The following LIMS2 variants were observed in gnomAD, a reference collection of about 807,000 sequenced individuals.
LIMS2 encodes LIM zinc finger domain containing 2, also known as LIM and senescent cell antigen-like-containing domain protein 2.
Under a neutral mutation model 45.3 loss-of-function variants are expected in LIMS2, and 30 were observed. That is an observed-to-expected ratio of 0.66 (90% CI 0.50 to 0.90). The LOEUF (loss-of-function observed/expected upper bound fraction) is 0.90, where lower values mean the gene tolerates loss of function less well. LIMS2 is among the 40% of genes least tolerant of loss of function. LIMS2 has a pLI of 0.00. For synonymous variants in LIMS2, 173 were observed against 188.0 expected (o/e 0.92, Z 0.65); for missense variants, 485 against 468.7 (o/e 1.03, Z -0.32).
At position 127,671,614 on chromosome 2, in the gene LIMS2, T is replaced by A. The variant is rs1461863520; in HGVS notation, c.11+3400A>T. Among the ~76,000 whole-genome samples the A allele has an allele frequency of 6.6e-6, 1 of 152,218 alleles. No individual in the cohort carries two copies. Reference sequence around the variant, plus strand: ...AATTCCGTAAAGCGTTAATGCCATGTTGGTGGCTTGAAATGAGCCCAGGTG... The same window carrying A: ...AATTCCGTAAAGCGTTAATGCCATGATGGTGGCTTGAAATGAGCCCAGGTG... On this transcript the variant is annotated intron_variant, in intron 1 of 9. Coordinates refer to ENST00000355119, the MANE Select transcript of LIMS2 (RefSeq NM_001161403.3). The surrounding 1 kb of genome is among the most constrained non-coding windows in gnomAD (Gnocchi z 4.1).
At chr2:127,678,593 T>A (rs936247909), upstream of LIMS2, among the ~76,000 whole-genome samples, 1 of 152,158 alleles carries the variant, frequency 6.6e-6, no homozygotes, top group Non-Finnish European at 1.5e-5. This position sits in a 1 kb window ranked among gnomAD's most constrained non-coding sequence, Gnocchi z 5.3. Context: ...AGGATCTATT[T>A]TGCAACCAAC....
At chr2:127,658,400 TA>T (rs1416991724) in intron 1 of LIMS2, among the ~76,000 whole-genome samples, 5 of 151,972 alleles carry the variant, frequency 3.3e-5, no homozygotes, top group Admixed American at 2.6e-4. Context: ...AAAAAATAAA[TA>T]AAAAAGACAA....
At chr2:127,656,887 T>G (rs1684294728) in intron 2 of LIMS2, among the ~76,000 whole-genome samples, 1 of 152,166 alleles carries the variant, frequency 6.6e-6, no homozygotes, top group Non-Finnish European at 1.5e-5. Flanking sequence ...GCCCTCGGCT[T>G]CCATCACACC....
In LIMS2 at chr2:127,639,296, G is replaced by A. The variant is rs1234655826; in HGVS notation, c.1011C>T (p.Asp337=). ...AAGAGGGCCTTCAGGCAGAGTTGAG[G>A]TCTGTGGCCTTGGGCTGGGCCTTGC... ...TSRKAQPKAT[D]LNSA is the part of the protein sequence containing the mutation. The change falls in exon 10 of 10, where the codon GAC becomes GAT. Residue 337 remains aspartate (D), a synonymous_variant. Transcript: ENST00000355119. The A allele has an allele frequency of 1.2e-6, 2 of 1,613,756 alleles. No individual in the cohort carries two copies. The highest frequency in any genetic ancestry group is 1.7e-6 in the Non-Finnish European group (2 of 1,179,844).
intron 1 of LIMS2, among the ~76,000 whole-genome samples, chr2:127,668,872 G>A (rs1685158128): frequency 6.6e-6 from 1 of 151,886 alleles, no homozygotes; most frequent in African/African-American, 2.4e-5. Context: ...GGCTGAGGCA[G>A]GCAGAGCCCA....
chr2:127,673,047 G>T (rs1387907926), intron 1 of LIMS2, among the ~76,000 whole-genome samples: 3 of 152,204 alleles, frequency 2.0e-5, no homozygotes, highest in Non-Finnish European at 4.4e-5. Context: ...CACTCCGAAG[G>T]CCGGGTTGGA....
chr2:127,659,951 C>T (rs1684506030), intron 1 of LIMS2, among the ~76,000 whole-genome samples: 1 of 152,206 alleles, frequency 6.6e-6, no homozygotes, highest in South Asian at 2.1e-4. Context: ...GTTATGGGCA[C>T]TCCTGCCCTG....
chr2:127,640,069 C>T lies in LIMS2; in HGVS notation c.878+1G>A, dbSNP rs1278310206. On this transcript the variant is annotated splice_donor_variant, in intron 9 of 9. Coordinates refer to ENST00000355119, the MANE Select transcript of LIMS2 (RefSeq NM_001161403.3). LOFTEE classifies it high-confidence loss of function. Reference sequence around the variant, plus strand: ...CCCATCCCACGATCACAGGGACTCACTTCAGGGTGAGCTTGCTGTTGCAGG... The same window carrying T: ...CCCATCCCACGATCACAGGGACTCATTTCAGGGTGAGCTTGCTGTTGCAGG... The T allele has an allele frequency of 6.2e-7, 1 of 1,613,336 alleles. No individual in the cohort carries two copies. The highest frequency in any genetic ancestry group is 8.5e-7 in the Non-Finnish European group (1 of 1,179,998).
At chr2:127,668,668 C>CA (rs70985469) in intron 1 of LIMS2, among the ~76,000 whole-genome samples, 177 of 17,264 alleles carry the variant, frequency 0.01, 24 homozygotes, top group African/African-American at 0.012. Context: ...GACTCCGTCT[C>CA]AAAAAAAAAA....
At position 127,642,322 on chromosome 2, in the gene LIMS2, G is replaced by A. The variant is rs534304615; in HGVS notation, c.510-123C>T. ...CATTCTGTCCCTGCAGAGCCGAGGC[G>A]GCAGCGCCTTCTGATCTCTGGGCAC... On this transcript the variant is annotated intron_variant, in intron 5 of 9. Coordinates refer to ENST00000355119, the MANE Select transcript of LIMS2 (RefSeq NM_001161403.3). This position sits in a 1 kb window ranked among gnomAD's most constrained non-coding sequence, Gnocchi z 5.3. The A allele has an allele frequency of 3.1e-5, 36 of 1,174,280 alleles. No individual in the cohort carries two copies. The highest frequency in any genetic ancestry group is 2.4e-4 in the South Asian group (14 of 58,768). 72.7% of individuals were successfully genotyped at this position (1,174,280 alleles called of 1,614,324 possible). A position where few individuals can be genotyped will look rare whatever the true frequency, so the allele number is the denominator to read the frequency against.
intron 1 of LIMS2, among the ~76,000 whole-genome samples, chr2:127,665,470 G>A (rs771584881): frequency 2.0e-5 from 3 of 152,178 alleles, no homozygotes; most frequent in Non-Finnish European, 4.4e-5. Context: ...TAAGCACCCT[G>A]GCAGTCAAGT....
intron 1 of LIMS2, among the ~76,000 whole-genome samples, chr2:127,670,392 A>G (rs144221741): frequency 2.8e-4 from 42 of 152,356 alleles, no homozygotes; most frequent in African/African-American, 9.4e-4. Context: ...GCTATATAAT[A>G]TATGGCTCCA....
chr2:127,674,667 C>A (rs1685424316), intron 1 of LIMS2: 2 of 984,120 alleles, frequency 2.0e-6, no homozygotes, highest in South Asian at 9.4e-5. Flanking sequence ...TTGGGGGAGG[C>A]ACGCAACCTT....
chr2:127,673,872 G>T (rs551735048), intron 1 of LIMS2: 1 of 766,924 alleles, frequency 1.3e-6, no homozygotes, highest in South Asian at 1.6e-5. Context: ...ACTCTCCGGG[G>T]GATGAGTCCC....
At chr2:127,651,829 C>T in intron 4 of LIMS2, 1 of 1,382,296 alleles carries the variant, frequency 7.2e-7, no homozygotes, top group Non-Finnish European at 1.0e-6. Context: ...TCTGCCCTTT[C>T]CCCAGCCACC....
At chr2:127,654,921 A>G (rs1558888138) in intron 2 of LIMS2, 25 bp from the exon 3 acceptor site, 1 of 1,608,606 alleles carries the variant, frequency 6.2e-7, no homozygotes, top group Admixed American at 1.7e-5. Flanking sequence ...CAGAGAGAGG[A>G]CAAGCAAACC....
rs779166184 is a variant in LIMS2 at position 127,654,554 on chromosome 2, G to A, written c.239-10C>T. On this transcript the variant is annotated splice_polypyrimidine_tract_variant and intron_variant, in intron 3 of 9. Coordinates refer to ENST00000355119, the MANE Select transcript of LIMS2 (RefSeq NM_001161403.3). ...CCAATGATGAACTCACCTGGAAGAAGACAGGTCCCTGCTGGCTGGGGAGCA... is the reference window on the plus strand; with the variant it reads ...CCAATGATGAACTCACCTGGAAGAAAACAGGTCCCTGCTGGCTGGGGAGCA... 1.2e-6 allele frequency: 2 copies of A among 1,613,984 alleles called. No homozygotes were observed. The highest frequency in any genetic ancestry group is 1.7e-5 in the Admixed American group (1 of 60,008).
Position 127,642,753 on chromosome 2 carries a change from G to GC in LIMS2, c.509+169dup. On this transcript the variant is annotated intron_variant, in intron 5 of 9. Coordinates refer to ENST00000355119, the MANE Select transcript of LIMS2 (RefSeq NM_001161403.3). The surrounding 1 kb of genome is among the most constrained non-coding windows in gnomAD (Gnocchi z 5.3). The stretch of plus-strand genomic sequence containing the variant: ...AGCTTCCTGCCATGGCTGCTTCCCA[G>GC]CCCCCAGCCCACCTCTGCCCTGCAG... 1.4e-6 allele frequency: 1 copy of GC among 714,462 alleles called. No homozygotes were observed. Among genetic ancestry groups the GC allele is most frequent in the Non-Finnish European group, 2.3e-6 (1 of 443,872 alleles). 44.3% of individuals were successfully genotyped at this position (714,462 alleles called of 1,614,324 possible). A position where few individuals can be genotyped will look rare whatever the true frequency, so the allele number is the denominator to read the frequency against.
chr2:127,665,849 A>T (rs1483928792), intron 1 of LIMS2, among the ~76,000 whole-genome samples: 1 of 152,236 alleles, frequency 6.6e-6, no homozygotes, highest in African/African-American at 2.4e-5. Flanking sequence ...TAGGGCTCCA[A>T]GGGTCACATA....
Sources: gnomAD v4.1 joint callset for allele counts (sites outside exome capture counted in the v4.1 genomes callset) on GRCh38, gnomAD v4.1.1 for gene constraint, Gnocchi (gnomAD v3.1) non-coding constraint, MANE v1.5 for transcripts, NCBI Gene and HGNC (gene_info 2026-07-23, HGNC 2026-07-21) for gene names.